Variants in LRP12 observed in about 807,000 individuals in gnomAD.
LRP12 encodes LDL receptor related protein 12, also known as low-density lipoprotein receptor-related protein 12.
LRP12 carries 14 observed loss-of-function variants against 66.0 expected under a neutral mutation model. The observed-to-expected ratio is 0.21, with a 90% CI of 0.14 to 0.33. LRP12 has a LOEUF of 0.33. Ranked by LOEUF, LRP12 falls within the 10% of genes least tolerant of loss-of-function variation. The pLI is 1.00. For synonymous variants in LRP12, 357 were observed against 359.1 expected (o/e 0.99, Z 0.07); for missense variants, 889 against 1,053.4 (o/e 0.84, Z 2.16).
intron 1 of LRP12, among the ~76,000 whole-genome samples, chr8:104,565,427 A>G (rs1490831794): frequency 2.6e-5 from 4 of 152,242 alleles, no homozygotes; most frequent in East Asian, 3.8e-4. Flanking sequence ...TTTAACGTAA[A>G]AGTTACAAAA....
chr8:104,523,956 G>A (rs765447263), intron 2 of LRP12, among the ~76,000 whole-genome samples: 5 of 151,956 alleles, frequency 3.3e-5, no homozygotes, highest in Non-Finnish European at 7.4e-5. Context: ...TAAGAATACA[G>A]CATTTAAGCC....
At chr8:104,562,675 T>C (rs1811931945) in intron 1 of LRP12, among the ~76,000 whole-genome samples, 1 of 152,188 alleles carries the variant, frequency 6.6e-6, no homozygotes, top group South Asian at 2.1e-4. Flanking sequence ...TTAATCTTTG[T>C]TCTAATTTTA....
At chr8:104,587,681 T>C (rs2140904980) in intron 1 of LRP12, among the ~76,000 whole-genome samples, 1 of 152,318 alleles carries the variant, frequency 6.6e-6, no homozygotes, top group Non-Finnish European at 1.5e-5. Flanking sequence ...CGTAGATAAA[T>C]GCCTTCAAAA....
rs1811275827 is a variant in LRP12, at chr8:104,528,363, C to G, written c.136+3544G>C. 2.0e-5 allele frequency among the ~76,000 whole-genome samples: 3 copies of G among 152,256 alleles called. No homozygotes were observed. In the South Asian group the frequency reaches 6.2e-4, roughly 32 times the overall value. On this transcript the variant is annotated intron_variant, in intron 2 of 6. Transcript: ENST00000276654. ...CTGCATTTTGAGATTCTTCCAAAGG[C>G]TACCTCTCTATTTAGACCAGCACTG...
Position 104,491,357 on chromosome 8 carries a change from C to G in LRP12, c.1896G>C (p.Gln632His), listed in dbSNP as rs778368807. Residue 632 changes from glutamine to histidine, a missense_variant, in exon 7 of 7, where the codon CAG (glutamine) becomes CAC (histidine). Around this residue, in one of 3 missense-constraint regions of LRP12, gnomAD observed 800 missense variants for 964.5 expected, o/e 0.83. Transcript: ENST00000276654. The stretch of plus-strand genomic sequence containing the variant: ...TTCTCTCAGGTTCTCTACTGGTACT[C>G]TGACTAGGGACAACCTCATCTCCAT... ...SADGDEVVPS[Q>H]STSREPERNH... The G allele has an allele frequency of 1.9e-5, 30 of 1,614,096 alleles. 1 individual carries two copies. The South Asian group carries it at 3.3e-4, about 18-fold the overall frequency.
chr8:104,496,286 CTGGG>C (rs1554706118), intron 5 of LRP12: 1 of 152,210 alleles, frequency 6.6e-6, no homozygotes, highest in Non-Finnish European at 1.5e-5. Context: ...CATACGCATC[CTGGG>C]CTCCAGATAA....
chr8:104,578,075 T>C (rs1052645824), intron 1 of LRP12, among the ~76,000 whole-genome samples: 5 of 149,288 alleles, frequency 3.3e-5, no homozygotes, highest in Non-Finnish European at 5.9e-5. Flanking sequence ...GAGACTGAGA[T>C]GCAAAAAACC....
rs528664845 is a variant in LRP12 at position 104,530,893 on chromosome 8, A to T, written c.136+1014T>A. 1.4e-4 allele frequency among the ~76,000 whole-genome samples: 22 copies of T among 152,292 alleles called. No individual in the cohort carries two copies. In the South Asian group the frequency reaches 4.1e-3, roughly 29 times the overall value. On this transcript the variant is annotated intron_variant, in intron 2 of 6. Transcript: ENST00000276654. ...ATATATCATTTGAGAATGTATTTTTAAAAAAGTGAAACAAACTATGAAAAA... is the reference window on the plus strand; with the variant it reads ...ATATATCATTTGAGAATGTATTTTTTAAAAAGTGAAACAAACTATGAAAAA...
intron 1 of LRP12, among the ~76,000 whole-genome samples, chr8:104,536,538 A>G (rs960854781): frequency 2.6e-5 from 4 of 152,094 alleles, no homozygotes; most frequent in Non-Finnish European, 4.4e-5. Context: ...TAGTCCATGT[A>G]AGTAAGAGGC....
intron 1 of LRP12, among the ~76,000 whole-genome samples, chr8:104,562,531 T>C (rs758904192): frequency 2.6e-5 from 4 of 152,204 alleles, no homozygotes; most frequent in Non-Finnish European, 5.9e-5. Flanking sequence ...TTATCAAGTA[T>C]GAATGCTCAT....
At chr8:104,504,012 A>T (rs1810869256) in intron 3 of LRP12, among the ~76,000 whole-genome samples, 1 of 152,132 alleles carries the variant, frequency 6.6e-6, no homozygotes, top group South Asian at 2.1e-4. Flanking sequence ...CTTGCCTATA[A>T]AACTAGTTCT....
At chr8:104,510,834 A>T (rs1330752441) in intron 2 of LRP12, among the ~76,000 whole-genome samples, 1 of 152,054 alleles carries the variant, frequency 6.6e-6, no homozygotes, top group Non-Finnish European at 1.5e-5. Context: ...AGACTGTTGT[A>T]TTATATCATC....
chr8:104,491,599 A>AAC (rs1810631834), intron 6 of LRP12, 60 bp from the exon 7 acceptor site: 13 of 1,315,448 alleles, frequency 9.9e-6, no homozygotes, highest in East Asian at 4.8e-5. Context: ...ATAAAAAAAA[A>AAC]AAAAAACACC....
chr8:104,579,912 A>G (rs547699325), intron 1 of LRP12, among the ~76,000 whole-genome samples: 1 of 152,270 alleles, frequency 6.6e-6, no homozygotes, highest in African/African-American at 2.4e-5. Flanking sequence ...TCCTTACACC[A>G]TATACAAAAA....
intron 2 of LRP12, among the ~76,000 whole-genome samples, chr8:104,523,582 T>A (rs1811181700): frequency 6.6e-6 from 1 of 152,216 alleles, no homozygotes; most frequent in African/African-American, 2.4e-5. Context: ...GCAGTTGTTA[T>A]CTCCAGTAAA....
intron 2 of LRP12, among the ~76,000 whole-genome samples, chr8:104,511,902 TTTC>T (rs1369784370): frequency 6.6e-6 from 1 of 150,982 alleles, no homozygotes; most frequent in African/African-American, 2.4e-5. Context: ...AGCTTCTTTT[TTTC>T]TTTTTTTTTT....
rs117836860 is a variant in LRP12, at chr8:104,544,907, A to C, written c.80-12944T>G. Reference sequence around the variant, plus strand: ...CAACTTTCAAGCCTATTATTTAGGAAACACATTTTGTAAGGCTATGGCTGC... The same window carrying C: ...CAACTTTCAAGCCTATTATTTAGGACACACATTTTGTAAGGCTATGGCTGC... On this transcript the variant is annotated intron_variant, in intron 1 of 6. Transcript: ENST00000276654. Among the ~76,000 whole-genome samples the C allele has an allele frequency of 2.0e-3, 298 of 152,298 alleles. 2 individuals are homozygous for C. Among genetic ancestry groups the C allele is most frequent in the Non-Finnish European group, 3.4e-3 (229 of 68,024 alleles).
chr8:104,583,794 G>A (rs1012838575), intron 1 of LRP12, among the ~76,000 whole-genome samples: 9 of 152,114 alleles, frequency 5.9e-5, no homozygotes, highest in Non-Finnish European at 8.8e-5. Flanking sequence ...GTACATATCT[G>A]ACAGGATTGC....
chr8:104,547,790 A>G (rs1811618191), intron 1 of LRP12, among the ~76,000 whole-genome samples: 1 of 129,272 alleles, frequency 7.7e-6, no homozygotes, highest in Non-Finnish European at 1.6e-5. Flanking sequence ...TATATAATAT[A>G]TAATTATATA....
Sources: gnomAD v4.1 joint callset for allele counts (sites outside exome capture counted in the v4.1 genomes callset) on GRCh38, gnomAD v4.1.1 for gene constraint, gnomAD v4.1.1 regional missense constraint, MANE v1.5 for transcripts, NCBI Gene and HGNC (gene_info 2026-07-23, HGNC 2026-07-21) for gene names.